Variants in LDB2 observed in about 807,000 individuals in gnomAD.
LDB2 encodes LIM domain-binding protein 2.
LDB2 carries 12 observed loss-of-function variants against 44.3 expected under a neutral mutation model. That is an observed-to-expected ratio of 0.27 (90% CI 0.17 to 0.44). The LOEUF (loss-of-function observed/expected upper bound fraction) is 0.44. LDB2 is among the 20% of genes least tolerant of loss of function. LDB2 has a pLI of 1.00. For missense variants in LDB2, 344 were observed against 473.5 expected, an observed-to-expected ratio of 0.73 and a Z score of 2.54; for synonymous variants, 164 against 174.8, an observed-to-expected ratio of 0.94 and a Z score of 0.49.
At chr4:16,820,067 A>G (rs1339916054) in intron 1 of LDB2, among the ~76,000 whole-genome samples, 1 of 152,228 alleles carries the variant, frequency 6.6e-6, no homozygotes, top group Non-Finnish European at 1.5e-5. Context: ...ATTAATTTCT[A>G]AAATTGTGAG....
At chr4:16,813,828 G>A (rs1417496564) in intron 1 of LDB2, among the ~76,000 whole-genome samples, 3 of 151,960 alleles carry the variant, frequency 2.0e-5, no homozygotes, top group African/African-American at 4.8e-5. Context: ...GGGCTTTGGC[G>A]GGTAAAGGGG....
chr4:16,763,420 C>T, intron 1 of LDB2, among the ~76,000 whole-genome samples: 1 of 116,366 alleles, frequency 8.6e-6, no homozygotes, highest in Admixed American at 9.1e-5. Context: ...TTTTCAATCT[C>T]CCCCCATATG....
chr4:16,579,270 C>G (rs1259511691), intron 5 of LDB2, among the ~76,000 whole-genome samples: 1 of 152,076 alleles, frequency 6.6e-6, no homozygotes, highest in East Asian at 1.9e-4. Flanking sequence ...ATGCCTGTAT[C>G]AAAATACCTC....
In LDB2 at chr4:16,568,480, C is replaced by T. The variant is rs775378242; in HGVS notation, c.615+17442G>A. On this transcript the variant is annotated intron_variant, in intron 5 of 7. Coordinates refer to ENST00000304523, the MANE Select transcript of LDB2 (RefSeq NM_001290.5). Reference sequence around the variant, plus strand: ...TTAAAAAGCATTTCAATATAAGTGGCGTCATTTATTCTTTAACCTGTGCAG... The same window carrying T: ...TTAAAAAGCATTTCAATATAAGTGGTGTCATTTATTCTTTAACCTGTGCAG... 9.9e-5 allele frequency among the ~76,000 whole-genome samples: 15 copies of T among 152,254 alleles called. No homozygotes were observed. In the East Asian group the frequency reaches 2.1e-3, roughly 22 times the overall value.
intron 1 of LDB2, among the ~76,000 whole-genome samples, chr4:16,779,484 C>T (rs1404113942): frequency 1.3e-5 from 2 of 152,180 alleles, no homozygotes; most frequent in African/African-American, 2.4e-5. Context: ...CTGTTAGCCC[C>T]ACCTGCCACC....
intron 5 of LDB2, among the ~76,000 whole-genome samples, chr4:16,571,247 A>G (rs1341431846): frequency 6.6e-6 from 1 of 152,164 alleles, no homozygotes; most frequent in Non-Finnish European, 1.5e-5. Flanking sequence ...CTTGATCTAC[A>G]TTTTTTAAAT....
At chr4:16,755,258 C>A (rs1766295078) in intron 2 of LDB2, among the ~76,000 whole-genome samples, 1 of 152,070 alleles carries the variant, frequency 6.6e-6, no homozygotes, top group East Asian at 1.9e-4. Context: ...CAGCCTAACC[C>A]AAGACAGAGA....
At chr4:16,584,367 G>A (rs756571681) in intron 5 of LDB2, among the ~76,000 whole-genome samples, 17 of 152,172 alleles carry the variant, frequency 1.1e-4, no homozygotes, top group Non-Finnish European at 1.3e-4. Context: ...TCAGTCTCCC[G>A]TGCTCACTAG....
chr4:16,821,947 T>A (rs1043268840), intron 1 of LDB2, among the ~76,000 whole-genome samples: 3 of 152,012 alleles, frequency 2.0e-5, no homozygotes, highest in African/African-American at 4.8e-5. Flanking sequence ...TCTGGAATGT[T>A]CACACTCACT....
At chr4:16,628,257 G>T (rs910399912) in intron 2 of LDB2, among the ~76,000 whole-genome samples, 1 of 152,100 alleles carries the variant, frequency 6.6e-6, no homozygotes, top group Non-Finnish European at 1.5e-5. Flanking sequence ...GTTTTGCAAG[G>T]ATTACGTGAA....
At chr4:16,555,427 T>C (rs1739211482) in intron 5 of LDB2, among the ~76,000 whole-genome samples, 1 of 151,844 alleles carries the variant, frequency 6.6e-6, no homozygotes, top group African/African-American at 2.4e-5. Flanking sequence ...ACCTCAACCT[T>C]CCTGCACATG....
At chr4:16,739,901 A>G (rs934214762) in intron 2 of LDB2, among the ~76,000 whole-genome samples, 3 of 150,898 alleles carry the variant, frequency 2.0e-5, no homozygotes, top group Non-Finnish European at 4.4e-5. Flanking sequence ...TAAAGGTACC[A>G]AGTATATTAA....
intron 2 of LDB2, among the ~76,000 whole-genome samples, chr4:16,655,749 G>A (rs1739598733): frequency 6.6e-6 from 1 of 152,070 alleles, no homozygotes; most frequent in Admixed American, 6.6e-5. Context: ...AGCCAGTCTT[G>A]GCATGCTCAA....
intron 2 of LDB2, among the ~76,000 whole-genome samples, chr4:16,677,945 T>C (rs192079337): frequency 1.3e-4 from 20 of 152,348 alleles, no homozygotes; most frequent in East Asian, 7.7e-4. Context: ...AAAATTTACA[T>C]TGAAGGGTCT....
In LDB2 at chr4:16,595,675, C is replaced by T. The variant is rs200844077; in HGVS notation, c.408+28G>A. The T allele has an allele frequency of 5.6e-5, 89 of 1,597,904 alleles. No homozygotes were observed. In the East Asian group the frequency reaches 9.4e-4, roughly 17 times the overall value. On this transcript the variant is annotated intron_variant, in intron 3 of 7. Transcript: ENST00000304523. Reference sequence around the variant, plus strand: ...TTAATGCTCTCAGAGTAGGAAAAGCCGGGCATGTGACAGAGCCTGTCCTGT... The same window carrying T: ...TTAATGCTCTCAGAGTAGGAAAAGCTGGGCATGTGACAGAGCCTGTCCTGT...
At chr4:16,554,309 C>A (rs1009741165) in intron 5 of LDB2, among the ~76,000 whole-genome samples, 1 of 152,156 alleles carries the variant, frequency 6.6e-6, no homozygotes, top group Non-Finnish European at 1.5e-5. Flanking sequence ...CTCGGCCCCC[C>A]AAAGTGCTGG....
chr4:16,557,555 C>G (rs954473026), intron 5 of LDB2, among the ~76,000 whole-genome samples: 1 of 152,228 alleles, frequency 6.6e-6, no homozygotes, highest in African/African-American at 2.4e-5. Flanking sequence ...AACAAAGCAG[C>G]CGGGAAGCTC....
rs1224947670 is a variant in LDB2 at position 16,567,399 on chromosome 4, CGTGT to C, written c.615+18519_615+18522del. On this transcript the variant is annotated intron_variant, in intron 5 of 7. Transcript: ENST00000304523. ...GTGTGTGTGTGCGCGTGTGTGCATG[CGTGT>C]GTGTGCATGCGTGTGTGTGTGTTTA... 3.5e-5 allele frequency among the ~76,000 whole-genome samples: 5 copies of C among 142,312 alleles called. No homozygotes were observed. The East Asian group carries it at 9.9e-4, about 28-fold the overall frequency. 93.4% of individuals were successfully genotyped at this position (142,312 alleles called of 152,430 possible).
intron 2 of LDB2, among the ~76,000 whole-genome samples, chr4:16,646,253 C>T (rs1338884103): frequency 6.6e-6 from 1 of 152,132 alleles, no homozygotes; most frequent in African/African-American, 2.4e-5. Context: ...ATCTCTCTTT[C>T]CGCTTTCTTT....
Sources: allele counts gnomAD v4.1 joint callset (sites outside exome capture counted in the v4.1 genomes callset), GRCh38; gene constraint gnomAD v4.1.1; transcripts MANE v1.5; gene names NCBI Gene and HGNC (gene_info 2026-07-23, HGNC 2026-07-21).